BCAT1: variants seen among roughly 807,000 people sequenced by gnomAD.
The protein encoded by BCAT1 is branched chain amino acid transaminase 1, also known as branched-chain-amino-acid aminotransferase, cytosolic.
In BCAT1, 48 loss-of-function variants were observed where a neutral mutation model predicts 52.4. The ratio of observed to expected loss-of-function variants is 0.92; its 90% CI spans 0.73 to 1.16. The LOEUF (loss-of-function observed/expected upper bound fraction) is 1.16, where lower values mean the gene tolerates loss of function less well. BCAT1 is among the 50% of genes most tolerant of loss of function. BCAT1 has a pLI of 0.00. For missense variants in BCAT1, 451 were observed against 457.1 expected (o/e 0.99, Z 0.12); for synonymous variants, 167 against 161.3 (o/e 1.04, Z -0.27).
At chr12:24,872,572 T>C (rs1171567593) in intron 5 of BCAT1, among the ~76,000 whole-genome samples, 2 of 152,222 alleles carry the variant, frequency 1.3e-5, no homozygotes, top group African/African-American at 2.4e-5. Context: ...AGAGATGTAC[T>C]TACAGACAAT....
intron 2 of BCAT1, among the ~76,000 whole-genome samples, chr12:24,901,440 A>C (rs965016570): frequency 6.6e-6 from 1 of 152,214 alleles, no homozygotes; most frequent in Non-Finnish European, 1.5e-5. Flanking sequence ...CAACACTTTC[A>C]CTGTAGAGTG....
chr12:24,850,320 G>A (rs1042416217), intron 5 of BCAT1, among the ~76,000 whole-genome samples: 36 of 152,156 alleles, frequency 2.4e-4, no homozygotes, highest in African/African-American at 8.4e-4. Context: ...ATGGTTTTAG[G>A]CTTTGGGGGG....
Position 24,818,003 on chromosome 12 carries a change from T to C in BCAT1, c.*5A>G, listed in dbSNP as rs778904812. On this transcript the variant is annotated 3_prime_UTR_variant, in exon 11 of 11. Transcript: ENST00000261192. ...CTATTTTCCATTGTATCCTCTATTTTCCATTCAGGATAGCACAATTGTCCA... is the reference window on the plus strand; with the variant it reads ...CTATTTTCCATTGTATCCTCTATTTCCCATTCAGGATAGCACAATTGTCCA... 4 of 1,612,600 alleles carry C rather than the reference T, an allele frequency of 2.5e-6. No individual in the cohort carries two copies. In the African/African-American group the frequency reaches 4.0e-5, roughly 16 times the overall value.
At chr12:24,891,669 C>A (rs1006457929) in intron 3 of BCAT1, among the ~76,000 whole-genome samples, 3 of 151,738 alleles carry the variant, frequency 2.0e-5, no homozygotes, top group African/African-American at 7.3e-5. Context: ...TTTTTTTAAA[C>A]TACCCTAATT....
chr12:24,861,227 C>G (rs1200574787), intron 5 of BCAT1, among the ~76,000 whole-genome samples: 2 of 152,180 alleles, frequency 1.3e-5, no homozygotes, highest in African/African-American at 2.4e-5. Context: ...TCAGAAGAAA[C>G]AGAAGGGTAA....
chr12:24,857,518 T>G (rs889518516), intron 5 of BCAT1, among the ~76,000 whole-genome samples: 1 of 152,220 alleles, frequency 6.6e-6, no homozygotes, highest in Non-Finnish European at 1.5e-5. Flanking sequence ...TTATATTGAT[T>G]TTTTTCTAGA....
At chr12:24,876,776 G>A (rs1212935537) in intron 5 of BCAT1, among the ~76,000 whole-genome samples, 1 of 152,116 alleles carries the variant, frequency 6.6e-6, no homozygotes, top group Non-Finnish European at 1.5e-5. Flanking sequence ...GCACATGCAG[G>A]GAGCAGCACA....
intron 4 of BCAT1, among the ~76,000 whole-genome samples, chr12:24,879,293 A>T (rs952098083): frequency 1.3e-5 from 2 of 152,222 alleles, no homozygotes; most frequent in Non-Finnish European, 2.9e-5. Flanking sequence ...TAACTGGTAT[A>T]TATATTTGGA....
chr12:24,863,101 C>G (rs1382989307), intron 5 of BCAT1, among the ~76,000 whole-genome samples: 1 of 152,170 alleles, frequency 6.6e-6, no homozygotes, highest in Non-Finnish European at 1.5e-5. Context: ...GGCTGATCAA[C>G]TCTTTTAAGT....
At chr12:24,836,621 T>C in intron 7 of BCAT1, 25 bp from the exon 8 acceptor site, 8 of 1,573,414 alleles carry the variant, frequency 5.1e-6, no homozygotes, top group Non-Finnish European at 7.0e-6. Flanking sequence ...TTGGGACATT[T>C]TCAAACTTTC....
chr12:24,901,908 A>C, intron 1 of BCAT1, 23 bp from the exon 2 acceptor site: 1 of 1,613,918 alleles, frequency 6.2e-7, no homozygotes, highest in Middle Eastern at 1.6e-4. Flanking sequence ...TTAAACCACC[A>C]TTAAGTAAAT....
At position 24,817,349 on chromosome 12, in the gene BCAT1, T is replaced by A. The variant is rs1435271125; in HGVS notation, c.*659A>T. The A allele has an allele frequency of 6.5e-6, 1 of 152,896 alleles. No individual in the cohort carries two copies. The highest frequency in any genetic ancestry group is 2.4e-5 in the African/African-American group (1 of 41,450). 9.5% of individuals were successfully genotyped at this position (152,896 alleles called of 1,614,324 possible). Reference sequence around the variant, plus strand: ...GATCTATAAGGCACAAGACCCTCAGTCTTGTAGTCGCCTGACAGCCAGCCA... The same window carrying A: ...GATCTATAAGGCACAAGACCCTCAGACTTGTAGTCGCCTGACAGCCAGCCA... On this transcript the variant is annotated 3_prime_UTR_variant, in exon 11 of 11. Coordinates refer to ENST00000261192, the MANE Select transcript of BCAT1 (RefSeq NM_005504.7).
chr12:24,859,006 ACAACAGGGTTTTC>A (rs1941772660), intron 5 of BCAT1, among the ~76,000 whole-genome samples: 1 of 152,248 alleles, frequency 6.6e-6, no homozygotes, highest in African/African-American at 2.4e-5. Flanking sequence ...GAATAAAAGC[ACAACAGGGTTTTC>A]TTAGAGCATT....
chr12:24,863,426 A>T (rs977805904), intron 5 of BCAT1, among the ~76,000 whole-genome samples: 2 of 152,284 alleles, frequency 1.3e-5, no homozygotes, highest in Non-Finnish European at 2.9e-5. Flanking sequence ...ACATGACCAC[A>T]GAACTTCAGT....
At chr12:24,825,131 GTGTGTATATA>G (rs1448095699) in intron 10 of BCAT1, among the ~76,000 whole-genome samples, 1 of 60,708 alleles carries the variant, frequency 1.6e-5, no homozygotes, top group Non-Finnish European at 3.2e-5. Context: ...GTGTGTGTGT[GTGTGTATATA>G]TATATATATA....
chr12:24,829,377 T>G (rs1940550782), intron 10 of BCAT1, among the ~76,000 whole-genome samples: 1 of 152,118 alleles, frequency 6.6e-6, no homozygotes, highest in Non-Finnish European at 1.5e-5. Context: ...AGAGTGAAAC[T>G]CCAGCTCAAA....
chr12:24,900,413 C>A (rs1943068531), intron 2 of BCAT1, among the ~76,000 whole-genome samples: 1 of 152,082 alleles, frequency 6.6e-6, no homozygotes, highest in South Asian at 2.1e-4. Context: ...CAGGGAGATC[C>A]CATCTCTACA....
chr12:24,864,292 A>T (rs1941940560), intron 5 of BCAT1, among the ~76,000 whole-genome samples: 1 of 152,148 alleles, frequency 6.6e-6, no homozygotes, highest in Admixed American at 6.5e-5. Context: ...TCAGTTGACT[A>T]GGCCTCCCAC....
intron 5 of BCAT1, among the ~76,000 whole-genome samples, chr12:24,866,056 G>C (rs562299028): frequency 6.6e-6 from 1 of 152,380 alleles, no homozygotes; most frequent in East Asian, 1.9e-4. Flanking sequence ...GGCTCCCTCA[G>C]TTTGCAGGGA....
Sources: allele counts gnomAD v4.1 joint callset (sites outside exome capture counted in the v4.1 genomes callset), GRCh38; gene constraint gnomAD v4.1.1; transcripts MANE v1.5; gene names NCBI Gene and HGNC (gene_info 2026-07-23, HGNC 2026-07-21).